CWH43: variants seen among roughly 807,000 people sequenced by gnomAD.
The protein encoded by CWH43 is cell wall biogenesis 43 C-terminal homolog.
Under a neutral mutation model 85.7 loss-of-function variants are expected in CWH43, and 91 were observed. The ratio of observed to expected loss-of-function variants is 1.06; its 90% confidence interval spans 0.90 to 1.26. The LOEUF is 1.26. Among genes scored for constraint, CWH43 ranks in the 50% most tolerant of loss-of-function variants. CWH43 has a pLI of 0.00. For missense variants in CWH43, 869 were observed against 839.2 expected, an observed-to-expected ratio of 1.04 and a Z score of -0.44; for synonymous variants, 323 against 293.6, an observed-to-expected ratio of 1.10 and a Z score of -1.02.
At chr4:49,035,673 GCTCT>G (rs1198483587) in intron 12 of CWH43, among the ~76,000 whole-genome samples, 6 of 152,124 alleles carry the variant, frequency 3.9e-5, no homozygotes, top group African/African-American at 1.4e-4. Context: ...GCATATGTGA[GCTCT>G]CTCTCTTTCT....
chr4:48,986,664 G>C (rs1041574925), intron 1 of CWH43, 192 bp downstream of exon 1: 2 of 1,366,972 alleles, frequency 1.5e-6, no homozygotes, highest in African/African-American at 3.0e-5. Flanking sequence ...CTAGATTGAA[G>C]TCTTCAAGCT....
intron 7 of CWH43, among the ~76,000 whole-genome samples, chr4:49,005,436 C>T: frequency 6.6e-6 from 1 of 152,084 alleles, no homozygotes; most frequent in South Asian, 2.1e-4. Flanking sequence ...TCCTTGCCTA[C>T]CTGGAGCTTT....
At position 48,991,699 on chromosome 4, in the gene CWH43, T is replaced by G. The variant is rs1577650572; in HGVS notation, c.356+125T>G. 5.9e-6 allele frequency: 7 copies of G among 1,187,480 alleles called. No individual in the cohort carries two copies. In the East Asian group the frequency reaches 1.7e-4, roughly 29 times the overall value. The allele number at this position is 1,187,480 out of a possible 1,614,324, so 73.6% of individuals were successfully genotyped here. On this transcript the variant is annotated intron_variant, in intron 3 of 15. Coordinates refer to ENST00000226432, the MANE Select transcript of CWH43 (RefSeq NM_025087.3). ...ATATGGCTTTGTCAAAGTCTCCTTT[T>G]TTTTCCTTTTCCCAAAACAAGGACA...
At chr4:49,043,952 A>G (rs1784545129) in intron 13 of CWH43, among the ~76,000 whole-genome samples, 1 of 152,078 alleles carries the variant, frequency 6.6e-6, no homozygotes, top group Admixed American at 6.5e-5. Flanking sequence ...TAAGCTTAAG[A>G]AAAAAATGAA....
chr4:49,060,386 G>T (rs1785113170), intron 15 of CWH43, among the ~76,000 whole-genome samples: 1 of 152,080 alleles, frequency 6.6e-6, no homozygotes, highest in Non-Finnish European at 1.5e-5. Context: ...TGGAGCCTTG[G>T]GTGGGGATGG....
chr4:49,056,466 C>T (rs1278701498), intron 15 of CWH43, among the ~76,000 whole-genome samples: 2 of 152,072 alleles, frequency 1.3e-5, no homozygotes, highest in South Asian at 2.1e-4. Flanking sequence ...TATTATTGCT[C>T]ATAGTAGTCA....
At chr4:49,032,060 G>T (rs1169972825) in intron 11 of CWH43, among the ~76,000 whole-genome samples, 2 of 152,204 alleles carry the variant, frequency 1.3e-5, no homozygotes, top group Non-Finnish European at 2.9e-5. Flanking sequence ...CTCCATGAAG[G>T]TGACAGAGAA....
intron 7 of CWH43, among the ~76,000 whole-genome samples, chr4:49,005,653 C>G (rs2109764136): frequency 6.6e-6 from 1 of 151,370 alleles, no homozygotes; most frequent in Admixed American, 6.6e-5. Context: ...TTGAGCTCCC[C>G]CCTCAACCTC....
Position 49,050,803 on chromosome 4 carries a change from G to C in CWH43, c.1975G>C (p.Val659Leu), listed in dbSNP as rs770929815. Residue 659 changes from valine to leucine, a missense_variant, in exon 15 of 16, where the codon GTC becomes CTC. By Grantham distance (32) the Val-to-Leu change is conservative. This residue lies in a region of CWH43 where 577 missense variants were observed against 513.1 expected (regional missense o/e 1.12). Coordinates refer to ENST00000226432, the MANE Select transcript of CWH43 (RefSeq NM_025087.3). ...PTNYRDNQKV[V>L]IDHREVSEKI... Reference sequence around the variant, plus strand: ...TAATTATAGAGACAACCAGAAAGTGGTCATAGACCACAGAGAAGTTTCTGA... The same window carrying C: ...TAATTATAGAGACAACCAGAAAGTGCTCATAGACCACAGAGAAGTTTCTGA... 7.4e-6 allele frequency: 12 copies of C among 1,612,962 alleles called. No individual in the cohort carries two copies. The highest frequency in any genetic ancestry group is 7.6e-6 in the Non-Finnish European group (9 of 1,179,326).
chr4:49,040,390 C>T (rs954119217), intron 13 of CWH43, among the ~76,000 whole-genome samples: 7 of 152,208 alleles, frequency 4.6e-5, no homozygotes, highest in Admixed American at 3.3e-4. Flanking sequence ...TATTTCTCCA[C>T]ATCCTCTCCA....
At chr4:49,013,925 A>G (rs1783447591) in intron 8 of CWH43, among the ~76,000 whole-genome samples, 1 of 152,184 alleles carries the variant, frequency 6.6e-6, no homozygotes. Context: ...AAATGTACTG[A>G]ATGTATTTAA....
chr4:49,009,521 G>C (rs1432268417), intron 8 of CWH43, among the ~76,000 whole-genome samples: 1 of 152,140 alleles, frequency 6.6e-6, no homozygotes, highest in East Asian at 1.9e-4. Context: ...TGTTGAATAG[G>C]AGTGGTGAGA....
intron 12 of CWH43, among the ~76,000 whole-genome samples, chr4:49,033,904 CGTT>C (rs1445746046): frequency 1.3e-5 from 2 of 152,134 alleles, no homozygotes; most frequent in African/African-American, 4.8e-5. Context: ...AGGAAAACAA[CGTT>C]GTTGTACTAT....
At chr4:49,022,542 T>A (rs1194499987) in intron 9 of CWH43, among the ~76,000 whole-genome samples, 4 of 152,192 alleles carry the variant, frequency 2.6e-5, no homozygotes, top group Non-Finnish European at 5.9e-5. Context: ...AGTTTTGGTA[T>A]TAGGGTGATA....
At chr4:49,029,427 T>C (rs1052783402) in intron 10 of CWH43, among the ~76,000 whole-genome samples, 1 of 152,180 alleles carries the variant, frequency 6.6e-6, no homozygotes, top group Non-Finnish European at 1.5e-5. Context: ...CCAAGAAAGC[T>C]TGGGTATTGT....
intron 14 of CWH43, among the ~76,000 whole-genome samples, chr4:49,046,072 T>C (rs1784613249): frequency 1.3e-5 from 2 of 152,084 alleles, no homozygotes; most frequent in African/African-American, 2.4e-5. Flanking sequence ...TTTATTTGTT[T>C]ATTTATTTAT....
intron 9 of CWH43, among the ~76,000 whole-genome samples, chr4:49,019,289 G>T (rs1783662708): frequency 6.6e-6 from 1 of 152,164 alleles, no homozygotes; most frequent in African/African-American, 2.4e-5. Flanking sequence ...AGAGAAAACT[G>T]TCTGAGGAGG....
In CWH43 at chr4:48,992,493, A is replaced by G. The variant is rs1275691576; in HGVS notation, c.511+403A>G. Among the ~76,000 whole-genome samples the G allele has an allele frequency of 6.6e-6, 1 of 152,178 alleles. No individual in the cohort carries two copies. Among genetic ancestry groups the G allele is most frequent in the African/African-American group, 2.4e-5 (1 of 41,444 alleles). On this transcript the variant is annotated intron_variant, in intron 4 of 15. Coordinates refer to ENST00000226432, the MANE Select transcript of CWH43 (RefSeq NM_025087.3). This position sits in a 1 kb window ranked among gnomAD's most constrained non-coding sequence, Gnocchi z 4.3. ...TGTAACACTAAGGAAAGTTTCTGTC[A>G]CGTATGGCTGTCACTGGAACTCCCT...
chr4:49,036,114 G>A (rs147710065), intron 12 of CWH43, among the ~76,000 whole-genome samples: 1 of 152,244 alleles, frequency 6.6e-6, no homozygotes, highest in Non-Finnish European at 1.5e-5. Flanking sequence ...CCAGGACAAG[G>A]GACCACCTGG....
Sources: gnomAD v4.1 joint callset for allele counts (sites outside exome capture counted in the v4.1 genomes callset) on GRCh38, gnomAD v4.1.1 for gene constraint, gnomAD v4.1.1 regional missense constraint, Gnocchi (gnomAD v3.1) non-coding constraint, MANE v1.5 for transcripts, NCBI Gene and HGNC (gene_info 2026-07-23, HGNC 2026-07-21) for gene names.